Variants in DYNC2H1 observed in about 807,000 individuals in gnomAD.
The protein encoded by DYNC2H1 is dynein cytoplasmic 2 heavy chain 1.
Under a neutral mutation model 570.0 loss-of-function variants are expected in DYNC2H1, and 410 were observed. The observed-to-expected ratio is 0.72, with a 90% CI of 0.66 to 0.78. DYNC2H1 has a LOEUF of 0.78. Ranked by LOEUF, DYNC2H1 falls within the 30% of genes least tolerant of loss-of-function variation. The pLI is 0.00. For synonymous variants in DYNC2H1, 1,688 were observed against 1,677.6 expected, an observed-to-expected ratio of 1.01 and a Z score of -0.15; for missense variants, 4,865 against 5,046.4, an observed-to-expected ratio of 0.96 and a Z score of 1.09.
chr11:103,340,307 T>A (rs761311832), intron 82 of DYNC2H1, among the ~76,000 whole-genome samples: 5 of 152,154 alleles, frequency 3.3e-5, no homozygotes, highest in African/African-American at 4.8e-5. Flanking sequence ...CTTTGCATTC[T>A]ACAGATAGGG....
In DYNC2H1 at chr11:103,243,660, A is replaced by G. The variant is rs764142126; in HGVS notation, c.9820-33A>G. The stretch of plus-strand genomic sequence containing the variant: ...ATTTAAATGAAAGCTTATAATCATT[A>G]AAAAACATTACTTTTCCTTTTTTTT... On this transcript the variant is annotated intron_variant, in intron 63 of 88. Transcript: ENST00000375735. The surrounding 1 kb of genome is among the most constrained non-coding windows in gnomAD (Gnocchi z 4.8). The G allele has an allele frequency of 1.4e-6, 2 of 1,450,866 alleles. No individual in the cohort carries two copies. Among genetic ancestry groups the G allele is most frequent in the South Asian group, 2.5e-5 (2 of 79,274 alleles). 89.9% of individuals were successfully genotyped at this position (1,450,866 alleles called of 1,614,324 possible).
Position 103,148,531 on chromosome 11 carries a change from G to A in DYNC2H1, c.2860G>A (p.Glu954Lys), listed in dbSNP as rs61898615. 23,100 of 1,565,512 alleles carry A rather than the reference G, an allele frequency of 0.015. 226 individuals are homozygous for A. Among genetic ancestry groups the A allele is most frequent in the Admixed American group, 0.024 (1,297 of 53,124 alleles). ...TGATACATTTGTTACTGAGGCTATGGAAGTCTTAACAATTATGCCCCAGTC... is the reference window on the plus strand; with the variant it reads ...TGATACATTTGTTACTGAGGCTATGAAAGTCTTAACAATTATGCCCCAGTC... ...EIDTFVTEAM[E>K]VLTIMPQSVE... The change falls in exon 20 of 89, where the codon GAA becomes AAA. Residue 954 changes from glutamate to lysine, a missense_variant. Glu to Lys is a moderately conservative substitution (Grantham distance 56). This residue lies in a region of DYNC2H1 where 1,936 missense variants were observed against 1,962.1 expected (regional missense o/e 0.99). Coordinates refer to ENST00000375735, the MANE Select transcript of DYNC2H1 (RefSeq NM_001377.3).
rs1441865396 is a variant in DYNC2H1, at chr11:103,239,771, G to A, written c.9819+3232G>A. The stretch of plus-strand genomic sequence containing the variant: ...TTATTTATAAAATGTTTTTGCATTT[G>A]TCCCATTTATAAGTATTGAAAATAG... On this transcript the variant is annotated intron_variant, in intron 63 of 88. Transcript: ENST00000375735. The surrounding 1 kb of genome is among the most constrained non-coding windows in gnomAD (Gnocchi z 4.3). 1.3e-5 allele frequency among the ~76,000 whole-genome samples: 2 copies of A among 151,890 alleles called. No individual in the cohort carries two copies. The highest frequency in any genetic ancestry group is 2.9e-5 in the Non-Finnish European group (2 of 67,962).
chr11:103,113,032 CTT>C (rs1465061803), intron 1 of DYNC2H1, among the ~76,000 whole-genome samples: 3 of 152,178 alleles, frequency 2.0e-5, no homozygotes, highest in Non-Finnish European at 4.4e-5. Context: ...AGATAGACAA[CTT>C]AAGTTCATTT....
At chr11:103,429,356 CA>C (rs1335312521) in intron 84 of DYNC2H1, among the ~76,000 whole-genome samples, 47 of 151,982 alleles carry the variant, frequency 3.1e-4, no homozygotes, top group African/African-American at 1.1e-3. Context: ...AAAATAGATT[CA>C]AAAAATGATT....
chr11:103,112,920 G>T (rs557474292), intron 1 of DYNC2H1, among the ~76,000 whole-genome samples: 1 of 152,240 alleles, frequency 6.6e-6, no homozygotes, highest in African/African-American at 2.4e-5. Context: ...GAGTTCATCT[G>T]GTTCCGATTT....
chr11:103,443,364 G>C (rs2135773421), intron 85 of DYNC2H1, among the ~76,000 whole-genome samples: 1 of 151,866 alleles, frequency 6.6e-6, no homozygotes, highest in South Asian at 2.1e-4. Flanking sequence ...GTAGTGATTG[G>C]TTTTATTGTT....
At chr11:103,188,360 C>A (rs1591379826) in intron 43 of DYNC2H1, 137 bp from the exon 44 acceptor site, 1 of 575,826 alleles carries the variant, frequency 1.7e-6, no homozygotes. Flanking sequence ...ATTTAAGATA[C>A]CATTTAATCT....
chr11:103,331,285 C>T (rs1938775165), intron 82 of DYNC2H1, among the ~76,000 whole-genome samples: 1 of 152,160 alleles, frequency 6.6e-6, no homozygotes, highest in African/African-American at 2.4e-5. Context: ...TGTTCTTACC[C>T]CCTTACAGGC....
chr11:103,122,702 C>G, intron 10 of DYNC2H1, 123 bp from the exon 11 acceptor site: 1 of 829,764 alleles, frequency 1.2e-6, no homozygotes, highest in Non-Finnish European at 1.8e-6. Context: ...TCTTCCGTTT[C>G]ACTGTTTATA....
At chr11:103,176,489 T>C in intron 37 of DYNC2H1, 55 bp downstream of exon 37, 1 of 1,253,716 alleles carries the variant, frequency 8.0e-7, no homozygotes, top group South Asian at 2.1e-5. Context: ...GTTGATTCCT[T>C]ATTAACTATC....
chr11:103,450,122 TATA>T (rs1306709852), intron 85 of DYNC2H1, among the ~76,000 whole-genome samples: 1 of 152,200 alleles, frequency 6.6e-6, no homozygotes, highest in Non-Finnish European at 1.5e-5. Context: ...AAGATTATTT[TATA>T]ATGATACAGA....
Position 103,243,694 on chromosome 11 carries a change from G to C in DYNC2H1, c.9821G>C (p.Ser3274Thr). 1 of 1,595,682 alleles carries C rather than the reference G, an allele frequency of 6.3e-7. No homozygotes were observed. The stretch of plus-strand genomic sequence containing the variant: ...TACTTTTCCTTTTTTTTATACTAGA[G>C]TCGAGTGTGCCCATTTCTTATAGAT... Reference protein sequence around the residue: ...SIENALVILQSRVCPFLIDPS... With the variant: ...SIENALVILQTRVCPFLIDPS... The change falls in exon 64 of 89, where the codon AGT becomes ACT. Residue 3274 changes from serine to threonine, a missense_variant and splice_region_variant. Ser to Thr is a moderately conservative substitution (Grantham distance 58). Transcript: ENST00000375735. The surrounding 1 kb of genome is among the most constrained non-coding windows in gnomAD (Gnocchi z 4.8).
chr11:103,310,172 G>A (rs1230617593), intron 78 of DYNC2H1, among the ~76,000 whole-genome samples: 1 of 151,762 alleles, frequency 6.6e-6, no homozygotes, highest in Non-Finnish European at 1.5e-5. Flanking sequence ...AGTAACTGTT[G>A]CTATACTTAT....
chr11:103,433,871 C>T (rs1393576466), intron 84 of DYNC2H1, among the ~76,000 whole-genome samples: 2 of 151,950 alleles, frequency 1.3e-5, no homozygotes, highest in Non-Finnish European at 2.9e-5. Context: ...CCTTTAAAAC[C>T]AATATAAAAT....
At chr11:103,294,844 G>A in intron 75 of DYNC2H1, among the ~76,000 whole-genome samples, 1 of 152,162 alleles carries the variant, frequency 6.6e-6, no homozygotes, top group East Asian at 1.9e-4. Flanking sequence ...ATCAACTAAG[G>A]AGCAAAGGCC....
At chr11:103,425,813 GTTAAAAGTTTAATAT>G (rs1156284236) in intron 84 of DYNC2H1, among the ~76,000 whole-genome samples, 47 of 151,414 alleles carry the variant, frequency 3.1e-4, no homozygotes, top group Admixed American at 3.0e-3. Flanking sequence ...AAAAAAGAAG[GTTAAAAGTTTAATAT>G]TTAAAAGTTT....
In DYNC2H1 at chr11:103,209,867, A is replaced by G; in HGVS notation, c.8455-9A>G. On this transcript the variant is annotated splice_polypyrimidine_tract_variant and intron_variant, in intron 52 of 88. Transcript: ENST00000375735. This position sits in a 1 kb window ranked among gnomAD's most constrained non-coding sequence, Gnocchi z 4.2. ...ACTCTTTCATAGTGATATTCTTTTT[A>G]TGTTTTAGATACCTGAAATGTTATT... The G allele has an allele frequency of 6.1e-6, 9 of 1,464,694 alleles. No individual in the cohort carries two copies. Among genetic ancestry groups the G allele is most frequent in the Non-Finnish European group, 8.1e-6 (9 of 1,106,288 alleles). The allele number at this position is 1,464,694 out of a possible 1,614,324, so 90.7% of individuals were successfully genotyped here.
In DYNC2H1 at chr11:103,327,641, A is replaced by T. The variant is rs116470950; in HGVS notation, c.12039+3651A>T. Among the ~76,000 whole-genome samples, 694 of 152,294 alleles carry T rather than the reference A, an allele frequency of 4.6e-3. 4 individuals carry two copies. Among genetic ancestry groups the T allele is most frequent in the African/African-American group, 0.016 (654 of 41,548 alleles). ...AAGGTAATAGGGTAAGATAGAGCAGATACAGCCTTAGAGACTTAGAGATAC... is the reference window on the plus strand; with the variant it reads ...AAGGTAATAGGGTAAGATAGAGCAGTTACAGCCTTAGAGACTTAGAGATAC... On this transcript the variant is annotated intron_variant, in intron 82 of 88. Transcript: ENST00000375735.
Sources: gnomAD v4.1 joint callset for allele counts (sites outside exome capture counted in the v4.1 genomes callset) on GRCh38, gnomAD v4.1.1 for gene constraint, gnomAD v4.1.1 regional missense constraint, Gnocchi (gnomAD v3.1) non-coding constraint, MANE v1.5 for transcripts, NCBI Gene and HGNC (gene_info 2026-07-23, HGNC 2026-07-21) for gene names.